Variants in SH3RF2 observed in about 807,000 individuals in gnomAD.
SH3RF2 encodes the protein E3 ubiquitin-protein ligase SH3RF2.
Under a neutral mutation model 59.0 loss-of-function variants are expected in SH3RF2, and 43 were observed. The ratio of observed to expected loss-of-function variants is 0.73; its 90% CI spans 0.57 to 0.94. The LOEUF (loss-of-function observed/expected upper bound fraction) is 0.94. Ranked by LOEUF, SH3RF2 falls within the 40% of genes least tolerant of loss-of-function variation. The probability of loss-of-function intolerance (pLI) is 0.00; values close to 1 mark genes in which losing one functional copy is unlikely to be tolerated. For synonymous variants in SH3RF2, 391 were observed against 391.5 expected (o/e 1.00, Z 0.01); for missense variants, 930 against 940.1 (o/e 0.99, Z 0.14).
chr5:145,943,785 C>T (rs1047452409), intron 2 of SH3RF2, among the ~76,000 whole-genome samples: 1 of 152,224 alleles, frequency 6.6e-6, no homozygotes, highest in African/African-American at 2.4e-5. Flanking sequence ...TCACTCCCCA[C>T]AGGATGGCCT....
intron 5 of SH3RF2, among the ~76,000 whole-genome samples, chr5:146,045,222 C>T (rs1762262044): frequency 1.3e-5 from 2 of 152,184 alleles, no homozygotes; most frequent in Non-Finnish European, 2.9e-5. Context: ...TTGAAGGAAC[C>T]AGTGTGACAA....
At chr5:146,043,929 C>T (rs892765387) in intron 5 of SH3RF2, 2 of 152,106 alleles carry the variant, frequency 1.3e-5, no homozygotes, top group African/African-American at 4.8e-5. Flanking sequence ...GTGTACAGGT[C>T]CTTCTATGGA....
intron 2 of SH3RF2, among the ~76,000 whole-genome samples, chr5:145,964,609 T>G (rs1758790987): frequency 6.6e-6 from 1 of 151,860 alleles, no homozygotes; most frequent in Non-Finnish European, 1.5e-5. Context: ...GCTCGGCCAG[T>G]TTTGGTTTTT....
intron 2 of SH3RF2, among the ~76,000 whole-genome samples, chr5:145,967,296 A>G (rs1758896023): frequency 6.6e-6 from 1 of 152,166 alleles, no homozygotes; most frequent in Admixed American, 6.5e-5. Flanking sequence ...TGGCCCATTT[A>G]TGAATCCTGC....
chr5:145,970,285 C>T (rs1332930453), intron 2 of SH3RF2, among the ~76,000 whole-genome samples: 4 of 152,104 alleles, frequency 2.6e-5, no homozygotes, highest in African/African-American at 9.6e-5. Context: ...GCCACCCTTC[C>T]CCCAGAGTCC....
rs991672005 is a variant in SH3RF2 at position 146,005,174 on chromosome 5, AAAG to A, written c.744+1024_744+1026del. Among the ~76,000 whole-genome samples the A allele has an allele frequency of 1.3e-4, 19 of 151,936 alleles. 2 individuals carry two copies. The highest frequency in any genetic ancestry group is 4.4e-4 in the African/African-American group (18 of 41,190). ...TAAAGAAAAATCTTCTTTAAAAAAA[AAAG>A]AAAGAAAACATGCTAGGCTATGTAT... On this transcript the variant is annotated intron_variant, in intron 4 of 9. Transcript: ENST00000359120.
intron 4 of SH3RF2, 106 bp from the exon 5 acceptor site, chr5:146,013,641 C>A: frequency 8.5e-7 from 1 of 1,172,796 alleles, no homozygotes; most frequent in Non-Finnish European, 1.2e-6. Flanking sequence ...GAGCCAGTGA[C>A]TGAGGAGGTG....
In SH3RF2 at chr5:145,959,613, ATATG is replaced by A. The variant is rs931715561; in HGVS notation, c.378+21309_378+21312del. 6.3e-4 allele frequency among the ~76,000 whole-genome samples: 88 copies of A among 140,024 alleles called. No individual in the cohort carries two copies. In the East Asian group the frequency reaches 0.013, roughly 21 times the overall value. The allele number at this position is 140,024 out of a possible 152,430, so 91.9% of individuals were successfully genotyped here. ...AACAATAAAATCTACTGCTATATAT[ATATG>A]TGTGTGTGTGTGTGTGTGTGTGTGT... On this transcript the variant is annotated intron_variant, in intron 2 of 9. Coordinates refer to ENST00000359120, the MANE Select transcript of SH3RF2 (RefSeq NM_152550.4).
At chr5:146,037,750 C>T (rs931860558) in intron 5 of SH3RF2, among the ~76,000 whole-genome samples, 2 of 152,204 alleles carry the variant, frequency 1.3e-5, no homozygotes, top group Non-Finnish European at 2.9e-5. Flanking sequence ...AGTTCTTTCA[C>T]ACTTTCAAGG....
chr5:145,944,187 T>C (rs543770666), intron 2 of SH3RF2, among the ~76,000 whole-genome samples: 2 of 152,298 alleles, frequency 1.3e-5, no homozygotes, highest in South Asian at 2.1e-4. Context: ...TCAAAGCATT[T>C]TGAATTTCAG....
intron 2 of SH3RF2, among the ~76,000 whole-genome samples, chr5:145,955,824 A>G (rs960721496): frequency 1.3e-5 from 2 of 152,232 alleles, no homozygotes; most frequent in African/African-American, 2.4e-5. Flanking sequence ...ATCATATCAT[A>G]TAGTCTAAAA....
chr5:145,990,780 G>T (rs1759902959), intron 2 of SH3RF2, among the ~76,000 whole-genome samples: 1 of 151,318 alleles, frequency 6.6e-6, no homozygotes, highest in African/African-American at 2.4e-5. Flanking sequence ...AAAAGAGTTT[G>T]GTGATGACCT....
intron 2 of SH3RF2, among the ~76,000 whole-genome samples, chr5:145,944,654 G>A (rs1188724358): frequency 6.6e-6 from 1 of 152,164 alleles, no homozygotes; most frequent in Non-Finnish European, 1.5e-5. Context: ...TCCCTTTGCT[G>A]CAGGACTTTT....
At chr5:145,988,935 A>G (rs1414437229) in intron 2 of SH3RF2, among the ~76,000 whole-genome samples, 1 of 152,172 alleles carries the variant, frequency 6.6e-6, no homozygotes, top group Non-Finnish European at 1.5e-5. Context: ...ATCTGCTCCA[A>G]AAAGATTATC....
chr5:145,956,013 G>T (rs1444445507), intron 2 of SH3RF2, among the ~76,000 whole-genome samples: 1 of 152,152 alleles, frequency 6.6e-6, no homozygotes, highest in African/African-American at 2.4e-5. Context: ...AAGGAGTGTG[G>T]AAGCATGCAT....
intron 4 of SH3RF2, 61 bp downstream of exon 4, chr5:146,004,214 G>A: frequency 7.2e-7 from 1 of 1,379,884 alleles, no homozygotes; most frequent in South Asian, 1.2e-5. Flanking sequence ...ATGTGCTACA[G>A]TGATGCCTGA....
At chr5:146,064,656 GAGAGAAAGAGAAAGAAAGAA>G (rs1382901753), downstream of SH3RF2, among the ~76,000 whole-genome samples, 105 of 13,416 alleles carry the variant, frequency 7.8e-3, 8 homozygotes, top group East Asian at 0.031. Flanking sequence ...GAAAGAGAGA[GAGAGAAAGAGAAAGAAAGAA>G]AGAAAGAAAG....
At chr5:146,055,261 G>A (rs1762627618) in intron 7 of SH3RF2, among the ~76,000 whole-genome samples, 2 of 152,224 alleles carry the variant, frequency 1.3e-5, no homozygotes, top group Admixed American at 6.5e-5. Flanking sequence ...AGAACAGAGA[G>A]CCAGCCTAGA....
At chr5:146,071,647 A>G (rs1365942737) in intron 9 of SH3RF2, among the ~76,000 whole-genome samples, 2 of 152,228 alleles carry the variant, frequency 1.3e-5, no homozygotes, top group Non-Finnish European at 2.9e-5. Context: ...CAAGATCTGG[A>G]GAAGTAATTA....
Sources: allele counts gnomAD v4.1 joint callset (sites outside exome capture counted in the v4.1 genomes callset), GRCh38; gene constraint gnomAD v4.1.1; transcripts MANE v1.5; gene names NCBI Gene and HGNC (gene_info 2026-07-23, HGNC 2026-07-21).